The following ERC1 variants were observed in gnomAD, a reference collection of about 807,000 sequenced individuals.
The protein encoded by ERC1 is RAB6 interacting protein 2.
Under a neutral mutation model 132.0 loss-of-function variants are expected in ERC1, and 56 were observed. The ratio of observed to expected loss-of-function variants is 0.42; its 90% CI spans 0.34 to 0.53. ERC1 has a LOEUF of 0.53. Ranked by LOEUF, ERC1 falls within the 20% of genes least tolerant of loss-of-function variation. The pLI, the probability that ERC1 is intolerant of heterozygous loss-of-function variation, is 0.03. For synonymous variants in ERC1, 478 were observed against 476.1 expected, an observed-to-expected ratio of 1.00 and a Z score of -0.05; for missense variants, 1,202 against 1,349.9, an observed-to-expected ratio of 0.89 and a Z score of 1.72.
intron 13 of ERC1, among the ~76,000 whole-genome samples, chr12:1,256,477 G>T (rs1263160432): frequency 2.2e-5 from 3 of 138,848 alleles, no homozygotes; most frequent in Admixed American, 2.1e-4. Context: ...TCACTCAAAT[G>T]TGATGACTAA....
chr12:1,424,849 G>C (rs1253236637), intron 17 of ERC1, among the ~76,000 whole-genome samples: 5 of 102,078 alleles, frequency 4.9e-5, no homozygotes, highest in Non-Finnish European at 9.8e-5. Flanking sequence ...ATAGATGATA[G>C]ATAGATAGAT....
chr12:1,065,480 T>TTGTGTGTGTGTGTGTGTG (rs71293132), intron 2 of ERC1, among the ~76,000 whole-genome samples: 80 of 125,004 alleles, frequency 6.4e-4, no homozygotes, highest in Non-Finnish European at 8.5e-4. Context: ...TTTGTACCGT[T>TTGTGTGTGTGTGTGTGTG]TGTGTGTGTG....
intron 16 of ERC1, among the ~76,000 whole-genome samples, chr12:1,385,094 A>G (rs1029799391): frequency 6.6e-6 from 1 of 152,324 alleles, no homozygotes; most frequent in East Asian, 1.9e-4. Flanking sequence ...CCCAGGTTAT[A>G]AAACACGCTT....
At chr12:1,307,522 T>A (rs1294869191) in intron 15 of ERC1, among the ~76,000 whole-genome samples, 1 of 152,234 alleles carries the variant, frequency 6.6e-6, no homozygotes. Context: ...TACTTTTAGC[T>A]GTGGGTGCAT....
intron 16 of ERC1, among the ~76,000 whole-genome samples, chr12:1,401,384 G>A (rs74059514): frequency 0.17 from 26,522 of 152,048 alleles, 3,785 homozygotes; most frequent in African/African-American, 0.39. Context: ...GATAAAGGAA[G>A]CAGGTAGAGC....
chr12:1,261,480 T>G (rs1254087760), intron 13 of ERC1, among the ~76,000 whole-genome samples: 1 of 152,220 alleles, frequency 6.6e-6, no homozygotes, highest in Non-Finnish European at 1.5e-5. Flanking sequence ...CATCCATCTC[T>G]TAGTTCGTAA....
chr12:1,305,202 C>T (rs2080788792), intron 15 of ERC1, among the ~76,000 whole-genome samples: 1 of 152,148 alleles, frequency 6.6e-6, no homozygotes, highest in Non-Finnish European at 1.5e-5. Context: ...TCTCTGGGGA[C>T]TTAGTACACT....
intron 13 of ERC1, among the ~76,000 whole-genome samples, chr12:1,242,666 T>C (rs1400485351): frequency 6.6e-6 from 1 of 152,168 alleles, no homozygotes; most frequent in Non-Finnish European, 1.5e-5. Context: ...ATGTAAAAGC[T>C]TCTATAAGAG....
chr12:1,432,694 G>A (rs2154404192), intron 17 of ERC1, among the ~76,000 whole-genome samples: 1 of 152,224 alleles, frequency 6.6e-6, no homozygotes, highest in East Asian at 1.9e-4. Context: ...CTTGTTCCAG[G>A]TCTCCTACCT....
intron 15 of ERC1, among the ~76,000 whole-genome samples, chr12:1,305,017 G>A (rs576758433): frequency 2.6e-5 from 4 of 151,526 alleles, no homozygotes; most frequent in East Asian, 1.9e-4. Flanking sequence ...CTCGATCTCC[G>A]GATCCACCCA....
At chr12:995,363 T>C (rs1960620101) in intron 1 of ERC1, among the ~76,000 whole-genome samples, 1 of 151,148 alleles carries the variant, frequency 6.6e-6, no homozygotes, top group African/African-American at 2.4e-5. Flanking sequence ...GGAGGAGGGG[T>C]TGGATTTTGT....
chr12:1,111,641 C>T (rs1416337506), intron 5 of ERC1, among the ~76,000 whole-genome samples: 108 of 144,476 alleles, frequency 7.5e-4, no homozygotes, highest in African/African-American at 2.6e-3. Context: ...TTTTTTGAGT[C>T]GGAGGTATGC....
At position 1,223,515 on chromosome 12, in the gene ERC1, C is replaced by T. The variant is rs942346243; in HGVS notation, c.2352-13254C>T. On this transcript the variant is annotated intron_variant, in intron 12 of 18. Transcript: ENST00000360905. The stretch of plus-strand genomic sequence containing the variant: ...TTCTACCAAACACTAAGGTGATATT[C>T]ATGATATAAGTTCATGGATCACACT... Among the ~76,000 whole-genome samples the T allele has an allele frequency of 2.6e-5, 4 of 152,192 alleles. No individual in the cohort carries two copies. The South Asian group carries it at 8.3e-4, about 32-fold the overall frequency.
At chr12:1,120,012 A>C (rs1946902833) in intron 7 of ERC1, among the ~76,000 whole-genome samples, 2 of 151,682 alleles carry the variant, frequency 1.3e-5, no homozygotes, top group Admixed American at 1.3e-4. Flanking sequence ...TTTTGCGACA[A>C]GGTTTCACTT....
intron 8 of ERC1, among the ~76,000 whole-genome samples, chr12:1,151,398 A>G (rs1012529981): frequency 1.3e-5 from 2 of 152,184 alleles, no homozygotes; most frequent in African/African-American, 4.8e-5. Context: ...GTCACCATAG[A>G]CCATGTGCAC....
At position 1,083,185 on chromosome 12, in the gene ERC1, G is replaced by C; in HGVS notation, c.691G>C (p.Ala231Pro). Reference protein sequence around the residue: ...ENQHMQMTIQALQDELRIQRD... With the variant: ...ENQHMQMTIQPLQDELRIQRD... ...CTAGCACATGCAGATGACAATCCAGGCTCTCCAGGATGAATTGCGGATCCA... is the reference window on the plus strand; with the variant it reads ...CTAGCACATGCAGATGACAATCCAGCCTCTCCAGGATGAATTGCGGATCCA... Residue 231 changes from alanine (A) to proline (P), a missense_variant, in exon 3 of 19, where the codon GCT becomes CCT. Physicochemically the swap from Ala to Pro is conservative, Grantham distance 27. Transcript: ENST00000360905. The C allele has an allele frequency of 6.2e-7, 1 of 1,613,186 alleles. No homozygotes were observed. Among genetic ancestry groups the C allele is most frequent in the Non-Finnish European group, 8.5e-7 (1 of 1,179,726 alleles).
intron 17 of ERC1, among the ~76,000 whole-genome samples, chr12:1,431,024 G>A (rs1036436648): frequency 5.9e-5 from 9 of 152,160 alleles, no homozygotes; most frequent in Admixed American, 2.0e-4. Context: ...AGAGAACACC[G>A]TCTGAATGCC....
chr12:995,327 G>A (rs1470171081), intron 1 of ERC1, among the ~76,000 whole-genome samples: 1 of 152,086 alleles, frequency 6.6e-6, no homozygotes, highest in Non-Finnish European at 1.5e-5. Flanking sequence ...TTCCAGGTGA[G>A]GGTATCTCTG....
chr12:1,340,521 A>G (rs2083732403), intron 15 of ERC1, among the ~76,000 whole-genome samples: 1 of 152,164 alleles, frequency 6.6e-6, no homozygotes, highest in Non-Finnish European at 1.5e-5. Context: ...GCCCGTAGCA[A>G]GAACAGATTA....
Sources: gnomAD v4.1 joint callset for allele counts (sites outside exome capture counted in the v4.1 genomes callset) on GRCh38, gnomAD v4.1.1 for gene constraint, MANE v1.5 for transcripts, NCBI Gene and HGNC (gene_info 2026-07-23, HGNC 2026-07-21) for gene names.